Variants in MACROD2 observed in about 807,000 individuals in gnomAD.
MACROD2 encodes the protein mono-ADP ribosylhydrolase 2.
Under a neutral mutation model 70.4 loss-of-function variants are expected in MACROD2, and 36 were observed. The ratio of observed to expected loss-of-function variants is 0.51; its 90% CI spans 0.39 to 0.68. MACROD2 has a LOEUF of 0.68. Among genes scored for constraint, MACROD2 ranks in the 30% least tolerant of loss-of-function variants. MACROD2 has a pLI of 0.00. For missense variants in MACROD2, 496 were observed against 538.4 expected (o/e 0.92, Z 0.78); for synonymous variants, 172 against 178.8 (o/e 0.96, Z 0.30).
intron 12 of MACROD2, among the ~76,000 whole-genome samples, chr20:15,939,562 G>C (rs2065719930): frequency 6.6e-6 from 1 of 151,410 alleles, no homozygotes; most frequent in South Asian, 2.1e-4. Flanking sequence ...CAATGCACCT[G>C]GTCTTCCGAG....
chr20:15,726,371 G>T (rs535926065), intron 8 of MACROD2, among the ~76,000 whole-genome samples: 1 of 152,198 alleles, frequency 6.6e-6, no homozygotes, highest in South Asian at 2.1e-4. Flanking sequence ...CTTTCTTATT[G>T]TGAATAGTGC....
intron 3 of MACROD2, among the ~76,000 whole-genome samples, chr20:14,235,537 C>T (rs6110208): frequency 2.0e-5 from 3 of 151,920 alleles, no homozygotes; most frequent in African/African-American, 4.8e-5. Flanking sequence ...ATTTTTTGCC[C>T]TTAAAATGCC....
intron 5 of MACROD2, among the ~76,000 whole-genome samples, chr20:14,986,336 GAC>G (rs1320477488): frequency 1.3e-5 from 2 of 152,096 alleles, no homozygotes; most frequent in African/African-American, 4.8e-5. Flanking sequence ...CCAAGTGTCT[GAC>G]ACAGTTGAGC....
chr20:14,484,995 G>A (rs1021669742), intron 3 of MACROD2, among the ~76,000 whole-genome samples: 2 of 151,774 alleles, frequency 1.3e-5, no homozygotes, highest in Admixed American at 1.3e-4. Flanking sequence ...TGTAGGAGTG[G>A]GGTTGCTGGA....
chr20:15,689,123 G>C (rs184290428), intron 8 of MACROD2, among the ~76,000 whole-genome samples: 3 of 152,294 alleles, frequency 2.0e-5, no homozygotes, highest in Admixed American at 2.0e-4. Context: ...GGCCAACATG[G>C]CGAAAACTTG....
chr20:14,070,914 C>T (rs2053828617), intron 2 of MACROD2, among the ~76,000 whole-genome samples: 1 of 152,106 alleles, frequency 6.6e-6, no homozygotes, highest in South Asian at 2.1e-4. Flanking sequence ...TGATGGTCTT[C>T]CAGAGATCAT....
chr20:14,216,923 T>G (rs142021782), intron 3 of MACROD2, among the ~76,000 whole-genome samples: 1 of 152,132 alleles, frequency 6.6e-6, no homozygotes, highest in South Asian at 2.1e-4. Context: ...GTCCTTAGGG[T>G]TTTCAAGGTA....
At chr20:15,969,005 A>G (rs1007360615) in intron 13 of MACROD2, among the ~76,000 whole-genome samples, 4 of 151,874 alleles carry the variant, frequency 2.6e-5, no homozygotes, top group African/African-American at 9.7e-5. Flanking sequence ...CTGATTCTAC[A>G]GAAGGTGTCT....
chr20:14,628,714 G>A (rs1428771560), intron 4 of MACROD2: 1 of 152,178 alleles, frequency 6.6e-6, no homozygotes, highest in Non-Finnish European at 1.5e-5. Flanking sequence ...ACAGACAGTA[G>A]AAGCCATGGA....
At chr20:15,274,894 G>T (rs184369304) in intron 6 of MACROD2, among the ~76,000 whole-genome samples, 1 of 152,330 alleles carries the variant, frequency 6.6e-6, no homozygotes, top group East Asian at 1.9e-4. Flanking sequence ...AGGCTTCCTG[G>T]AAGAAGTACC....
At chr20:15,093,667 A>G (rs1207539624) in intron 5 of MACROD2, among the ~76,000 whole-genome samples, 2 of 152,210 alleles carry the variant, frequency 1.3e-5, no homozygotes, top group African/African-American at 4.8e-5. Flanking sequence ...TTTCTTTATT[A>G]TGAAAATTCT....
chr20:15,616,229 T>A lies in MACROD2; in HGVS notation c.645+116382T>A, dbSNP rs141262613. 1.5e-4 allele frequency among the ~76,000 whole-genome samples: 23 copies of A among 150,818 alleles called. No homozygotes were observed. The East Asian group carries it at 4.6e-3, about 30-fold the overall frequency. On this transcript the variant is annotated intron_variant, in intron 8 of 17. Coordinates refer to ENST00000684519, the MANE Select transcript of MACROD2 (RefSeq NM_001351661.2). ...AGTGATTCTCGTGCCTCAGCCTCCC[T>A]AGTAGCTGGGATTACAGGTGTATGC...
At chr20:15,368,172 C>T (rs1374978740) in intron 6 of MACROD2, among the ~76,000 whole-genome samples, 1 of 152,028 alleles carries the variant, frequency 6.6e-6, no homozygotes, top group Non-Finnish European at 1.5e-5. Context: ...GTTGCTGGAC[C>T]ATCAGAATCC....
intron 8 of MACROD2, among the ~76,000 whole-genome samples, chr20:15,848,588 G>A (rs963498248): frequency 6.6e-6 from 1 of 152,182 alleles, no homozygotes; most frequent in East Asian, 1.9e-4. Context: ...CATTTGAAAA[G>A]CACTTAATTA....
intron 5 of MACROD2, among the ~76,000 whole-genome samples, chr20:14,853,838 G>A (rs1224836056): frequency 1.3e-5 from 2 of 151,634 alleles, no homozygotes; most frequent in South Asian, 2.1e-4. Context: ...TTTTGTTTTG[G>A]TGCTGGAAGT....
At chr20:14,006,271 A>G (rs911730792) in intron 2 of MACROD2, among the ~76,000 whole-genome samples, 1 of 152,232 alleles carries the variant, frequency 6.6e-6, no homozygotes, top group Non-Finnish European at 1.5e-5. Flanking sequence ...CTCAGAACGT[A>G]TTCCATTGTT....
chr20:14,029,234 T>C (rs1156659963), intron 2 of MACROD2, among the ~76,000 whole-genome samples: 2 of 152,210 alleles, frequency 1.3e-5, no homozygotes, highest in East Asian at 1.9e-4. Context: ...ACCTCTTCAG[T>C]AGCAACTATA....
intron 12 of MACROD2, among the ~76,000 whole-genome samples, chr20:15,941,492 T>A (rs1030592657): frequency 3.8e-5 from 3 of 79,418 alleles, no homozygotes; most frequent in Admixed American, 2.5e-4. Flanking sequence ...ATACCTAGCT[T>A]AGAAAAAAAA....
At chr20:14,127,334 A>G (rs2054664113) in intron 3 of MACROD2, 1 of 318,988 alleles carries the variant, frequency 3.1e-6, no homozygotes, top group Admixed American at 5.1e-5. Context: ...AGTTTGGGCC[A>G]TAGTGTGCAG....
Sources: allele counts gnomAD v4.1 joint callset (sites outside exome capture counted in the v4.1 genomes callset), GRCh38; gene constraint gnomAD v4.1.1; transcripts MANE v1.5; gene names NCBI Gene and HGNC (gene_info 2026-07-23, HGNC 2026-07-21).